Variants in FAM163A observed in about 807,000 individuals in gnomAD.
FAM163A encodes family with sequence similarity 163 member A.
FAM163A carries 7 observed loss-of-function variants against 12.0 expected under a neutral mutation model. The observed-to-expected ratio is 0.58, with a 90% CI of 0.33 to 1.10. The LOEUF (loss-of-function observed/expected upper bound fraction) is 1.10. Among genes scored for constraint, FAM163A ranks in the 50% least tolerant of loss-of-function variants. FAM163A has a pLI of 0.03. For synonymous variants in FAM163A, 101 were observed against 91.0 expected, an observed-to-expected ratio of 1.11 and a Z score of -0.62; for missense variants, 202 against 218.6, an observed-to-expected ratio of 0.92 and a Z score of 0.48.
chr1:179,778,524 G>A (rs1689290744), intron 1 of FAM163A, among the ~76,000 whole-genome samples: 1 of 152,172 alleles, frequency 6.6e-6, no homozygotes, highest in Non-Finnish European at 1.5e-5. Context: ...AGCATCGCAT[G>A]CCCCAGGAGC....
At chr1:179,768,102 G>C (rs1687753810) in intron 1 of FAM163A, among the ~76,000 whole-genome samples, 1 of 152,150 alleles carries the variant, frequency 6.6e-6, no homozygotes, top group Non-Finnish European at 1.5e-5. Flanking sequence ...TATGGTATTT[G>C]TTCTTTTGTG....
At chr1:179,804,158 A>C (rs1416691961) in intron 1 of FAM163A, 1 of 152,136 alleles carries the variant, frequency 6.6e-6, no homozygotes, top group Non-Finnish European at 1.5e-5. Context: ...GCCAGATGGT[A>C]AGGCTCACAT....
intron 1 of FAM163A, among the ~76,000 whole-genome samples, chr1:179,779,542 A>G (rs1410458077): frequency 2.0e-5 from 3 of 152,228 alleles, no homozygotes; most frequent in African/African-American, 7.2e-5. Context: ...TCTCAGAGAA[A>G]GAGCTCAGGC....
At chr1:179,743,679 C>T (rs889640242) in intron 1 of FAM163A, among the ~76,000 whole-genome samples, 1 of 152,174 alleles carries the variant, frequency 6.6e-6, no homozygotes, top group Middle Eastern at 3.2e-3. Context: ...AGGGGCCTCT[C>T]GCTCCGAGGG....
intron 1 of FAM163A, among the ~76,000 whole-genome samples, chr1:179,791,227 C>T (rs936421613): frequency 1.3e-5 from 2 of 152,154 alleles, no homozygotes; most frequent in Admixed American, 6.5e-5. Flanking sequence ...GTAACACTGC[C>T]GACTGGGTCT....
At chr1:179,765,620 G>A (rs1248134992) in intron 1 of FAM163A, among the ~76,000 whole-genome samples, 2 of 151,878 alleles carry the variant, frequency 1.3e-5, no homozygotes, top group African/African-American at 4.8e-5. Flanking sequence ...GCTGAGATCT[G>A]TGGTGAGTAT....
chr1:179,790,392 T>A (rs1243408029), intron 1 of FAM163A, among the ~76,000 whole-genome samples: 1 of 151,906 alleles, frequency 6.6e-6, no homozygotes, highest in African/African-American at 2.4e-5. Context: ...AGTGATGAGG[T>A]GATTTGCCCA....
chr1:179,759,104 A>G (rs1178132253), intron 1 of FAM163A, among the ~76,000 whole-genome samples: 1 of 152,160 alleles, frequency 6.6e-6, no homozygotes, highest in South Asian at 2.1e-4. Flanking sequence ...GGGTTTCTCA[A>G]TCTTGTCACC....
chr1:179,807,413 G>GTT (rs1393162119), intron 1 of FAM163A, among the ~76,000 whole-genome samples: 3 of 152,174 alleles, frequency 2.0e-5, no homozygotes, highest in Non-Finnish European at 4.4e-5. Context: ...GGTCAGTCAT[G>GTT]CAGGCAACAA....
At chr1:179,733,491 CTAAA>C in the FAM163A span, among the ~76,000 whole-genome samples, 1 of 152,192 alleles carries the variant, frequency 6.6e-6, no homozygotes, top group Admixed American at 6.5e-5. Flanking sequence ...ACATGTAAAG[CTAAA>C]TAAATACAAG....
the FAM163A span, among the ~76,000 whole-genome samples, chr1:179,733,147 G>T: frequency 4.6e-5 from 7 of 152,112 alleles, no homozygotes; most frequent in African/African-American, 1.4e-4. Context: ...TATGCTTAGG[G>T]CATGGTGCCT....
the FAM163A span, among the ~76,000 whole-genome samples, chr1:179,729,803 A>T: frequency 6.6e-6 from 1 of 152,128 alleles, no homozygotes; most frequent in Non-Finnish European, 1.5e-5. Context: ...AAGCCCTTTC[A>T]TCATTTGTAT....
At chr1:179,746,376 A>G (rs938393182) in intron 1 of FAM163A, among the ~76,000 whole-genome samples, 1 of 152,244 alleles carries the variant, frequency 6.6e-6, no homozygotes, top group African/African-American at 2.4e-5. Flanking sequence ...TAAGTGTCTT[A>G]TGGTACTTCC....
At chr1:179,782,442 G>T (rs114777579) in intron 1 of FAM163A, among the ~76,000 whole-genome samples, 1 of 151,912 alleles carries the variant, frequency 6.6e-6, no homozygotes, top group Non-Finnish European at 1.5e-5. Flanking sequence ...CAGCACAGGA[G>T]CATCTTCTCA....
At chr1:179,788,199 T>TCAAGCCAAGAGAATTCTTCTCCAGC (rs1690922208) in intron 1 of FAM163A, among the ~76,000 whole-genome samples, 1 of 152,186 alleles carries the variant, frequency 6.6e-6, no homozygotes, top group African/African-American at 2.4e-5. Context: ...TAGTCTCCAG[T>TCAAGCCAAGAGAATTCTTCTCCAGC]CAAGCCAAGA....
At chr1:179,746,880 G>T (rs928096393) in intron 1 of FAM163A, among the ~76,000 whole-genome samples, 1 of 152,156 alleles carries the variant, frequency 6.6e-6, no homozygotes, top group Non-Finnish European at 1.5e-5. Context: ...ATACAGAGTT[G>T]TACTTGGAAA....
rs11589593 is a variant in FAM163A, at chr1:179,814,152, C to T, written c.467C>T (p.Ala156Val). 6.2e-7 allele frequency: 1 copy of T among 1,614,172 alleles called. No homozygotes were observed. Among genetic ancestry groups the T allele is most frequent in the Non-Finnish European group, 8.5e-7 (1 of 1,180,032 alleles). The change falls in exon 5 of 5, where the codon GCC (alanine) becomes GTC (valine). Residue 156 changes from alanine to valine, a missense_variant. Ala to Val is a moderately conservative substitution (Grantham distance 64, BLOSUM62 0). Coordinates refer to ENST00000341785, the MANE Select transcript of FAM163A (RefSeq NM_173509.3). ...PVTWPGSGRE[A>V]FTNPRAISTD... ...ACCTGGCCAGGCTCTGGGCGTGAGG[C>T]CTTCACCAATCCAAGGGCTATTAGT...
upstream of FAM163A, among the ~76,000 whole-genome samples, chr1:179,739,434 C>T (rs529335228): frequency 6.6e-6 from 1 of 152,334 alleles, no homozygotes; most frequent in African/African-American, 2.4e-5. Flanking sequence ...CCAAGGTTGT[C>T]CAACTCATGG....
chr1:179,754,623 A>G (rs1482159741), intron 1 of FAM163A, among the ~76,000 whole-genome samples: 1 of 152,164 alleles, frequency 6.6e-6, no homozygotes, highest in Non-Finnish European at 1.5e-5. Context: ...CTTTCCAGGC[A>G]GAGGGAGGGC....
Sources: gnomAD v4.1 joint callset for allele counts (sites outside exome capture counted in the v4.1 genomes callset) on GRCh38, gnomAD v4.1.1 for gene constraint, MANE v1.5 for transcripts, NCBI Gene and HGNC (gene_info 2026-07-23, HGNC 2026-07-21) for gene names.